The following TEKT3 variants were observed in gnomAD, a reference collection of about 807,000 sequenced individuals.
The protein encoded by TEKT3 is tektin 3.
In TEKT3, 49 loss-of-function variants were observed where a neutral mutation model predicts 49.8. The observed-to-expected ratio is 0.98, with a 90% CI of 0.78 to 1.25. The LOEUF is 1.25. TEKT3 is among the 50% of genes most tolerant of loss of function. The pLI is 0.00. For synonymous variants in TEKT3, 225 were observed against 237.2 expected, an observed-to-expected ratio of 0.95 and a Z score of 0.47; for missense variants, 595 against 629.5, an observed-to-expected ratio of 0.95 and a Z score of 0.59.
Position 15,325,365 on chromosome 17 carries a change from T to A in TEKT3, c.663+2627A>T, listed in dbSNP as rs147472003. Among the ~76,000 whole-genome samples, 291 of 152,308 alleles carry A rather than the reference T, an allele frequency of 1.9e-3. 3 individuals carry two copies. In the Middle Eastern group the frequency reaches 0.024, roughly 12 times the overall value. On this transcript the variant is annotated intron_variant, in intron 4 of 8. Transcript: ENST00000395930. Reference sequence around the variant, plus strand: ...ATTGCCATCTTAACACGAACATCCATGTTTATGGATGTTCCCATCCATAGA... The same window carrying A: ...ATTGCCATCTTAACACGAACATCCAAGTTTATGGATGTTCCCATCCATAGA...
At chr17:15,314,792 T>C (rs1164641979) in intron 5 of TEKT3, among the ~76,000 whole-genome samples, 4 of 152,134 alleles carry the variant, frequency 2.6e-5, no homozygotes, top group African/African-American at 9.7e-5. Context: ...AGGATCAAAA[T>C]TAACCTCCAG....
At chr17:15,309,506 C>G (rs1047463938) in intron 7 of TEKT3, among the ~76,000 whole-genome samples, 2 of 152,194 alleles carry the variant, frequency 1.3e-5, no homozygotes, top group African/African-American at 4.8e-5. Flanking sequence ...CTGTCCTATG[C>G]TCTGAAAAGC....
intron 5 of TEKT3, among the ~76,000 whole-genome samples, chr17:15,317,300 G>A (rs1351916056): frequency 6.6e-6 from 1 of 152,170 alleles, no homozygotes; most frequent in Non-Finnish European, 1.5e-5. Context: ...GCTGTTCCAC[G>A]GTAGAACAAT....
At chr17:15,327,203 AC>A in intron 4 of TEKT3, among the ~76,000 whole-genome samples, 1 of 152,040 alleles carries the variant, frequency 6.6e-6, no homozygotes, top group East Asian at 1.9e-4. Context: ...ACACTGCCTA[AC>A]CATTAAAAAT....
At position 15,312,268 on chromosome 17, in the gene TEKT3, G is replaced by A; in HGVS notation, c.1092C>T (p.His364=). ...TADAKNKIQT[H]LAKTLQEIFQ... is the part of the protein sequence containing the mutation. ...CTGGCGGTTGATTTACCTTTGCTAA[G>A]TGCGTCTGAATCTTATTCTTAGCAT... Residue 364 remains histidine, a synonymous_variant, in exon 7 of 9, where the codon CAC becomes CAT. Coordinates refer to ENST00000395930, the MANE Select transcript of TEKT3 (RefSeq NM_031898.3). The A allele has an allele frequency of 6.2e-7, 1 of 1,614,160 alleles. No homozygotes were observed. The highest frequency in any genetic ancestry group is 1.1e-5 in the South Asian group (1 of 91,080).
chr17:15,310,729 A>T (rs935752003), intron 7 of TEKT3: 5 of 152,216 alleles, frequency 3.3e-5, no homozygotes, highest in African/African-American at 1.2e-4. Context: ...GCAAACTAAC[A>T]TATCAGTAAA....
At chr17:15,322,034 G>A (rs893313355) in intron 4 of TEKT3, among the ~76,000 whole-genome samples, 13 of 152,086 alleles carry the variant, frequency 8.5e-5, no homozygotes, top group African/African-American at 3.1e-4. Context: ...GAAAACATAT[G>A]CCTTGAGAGT....
At chr17:15,308,141 A>G (rs1910618554) in intron 8 of TEKT3, among the ~76,000 whole-genome samples, 1 of 152,140 alleles carries the variant, frequency 6.6e-6, no homozygotes, top group Admixed American at 6.5e-5. Flanking sequence ...AAATGAGTAG[A>G]TAGGAGTCAG....
At position 15,316,230 on chromosome 17, in the gene TEKT3, T is replaced by C. The variant is rs149129319; in HGVS notation, c.735-2000A>G. 1.4e-4 allele frequency among the ~76,000 whole-genome samples: 21 copies of C among 152,320 alleles called. No individual in the cohort carries two copies. In the East Asian group the frequency reaches 3.7e-3, roughly 27 times the overall value. ...GGACCAAGATGTCCCACAAGCTTCC[T>C]GTCTTAAGCTGAGACCCTGTTAGAG... is the stretch of plus-strand genomic sequence containing the variant. On this transcript the variant is annotated intron_variant, in intron 5 of 8. Coordinates refer to ENST00000395930, the MANE Select transcript of TEKT3 (RefSeq NM_031898.3).
intron 8 of TEKT3, 131 bp downstream of exon 8, chr17:15,308,533 C>T: frequency 8.2e-7 from 1 of 1,226,194 alleles, no homozygotes; most frequent in South Asian, 1.5e-5. Context: ...AACATCTCCC[C>T]ATTACTACCA....
At chr17:15,306,319 A>G (rs974387218) in intron 8 of TEKT3, among the ~76,000 whole-genome samples, 1 of 152,032 alleles carries the variant, frequency 6.6e-6, no homozygotes, top group African/African-American at 2.4e-5. Flanking sequence ...TATGATCTTT[A>G]TTTTTTCTAA....
chr17:15,328,120 T>A (rs776480874), intron 3 of TEKT3, 45 bp from the exon 4 acceptor site: 2 of 1,521,498 alleles, frequency 1.3e-6, no homozygotes, highest in South Asian at 1.1e-5. Context: ...AAACTGACAA[T>A]CCATGACTAG....
intron 1 of TEKT3, among the ~76,000 whole-genome samples, chr17:15,340,991 G>A (rs1276138738): frequency 6.6e-6 from 1 of 152,134 alleles, no homozygotes; most frequent in Non-Finnish European, 1.5e-5. Context: ...AAACACAAGC[G>A]AAAGCTTTGC....
At position 15,306,089 on chromosome 17, in the gene TEKT3, ATGTGTGTGTGTGTG is replaced by A. The variant is rs58688985; in HGVS notation, c.1257-1951_1257-1938del. On this transcript the variant is annotated intron_variant, in intron 8 of 8. Coordinates refer to ENST00000395930, the MANE Select transcript of TEKT3 (RefSeq NM_031898.3). The stretch of plus-strand genomic sequence containing the variant: ...AAGCTACCACAGTTTATTTATATAT[ATGTGTGTGTGTGTG>A]TGTGTGTGTGTGTGTGTGTGTGTGT... Among the ~76,000 whole-genome samples, 1,138 of 144,408 alleles carry A rather than the reference ATGTGTGTGTGTGTG, an allele frequency of 7.9e-3. 73 individuals carry two copies. In the East Asian group the frequency reaches 0.15, roughly 19 times the overall value. The allele number at this position is 144,408 out of a possible 152,430, so 94.7% of individuals were successfully genotyped here. A position where few individuals can be genotyped will look rare whatever the true frequency, so the allele number is the denominator to read the frequency against.
rs1049638782 is a variant in TEKT3 at position 15,327,922 on chromosome 17, T to C, written c.663+70A>G. The C allele has an allele frequency of 5.4e-6, 7 of 1,307,192 alleles. No individual in the cohort carries two copies. The South Asian group carries it at 7.2e-5, about 13-fold the overall frequency. 81.0% of individuals were successfully genotyped at this position (1,307,192 alleles called of 1,614,324 possible). On this transcript the variant is annotated intron_variant, in intron 4 of 8. Coordinates refer to ENST00000395930, the MANE Select transcript of TEKT3 (RefSeq NM_031898.3). ...AAGTCATTTTATGTAACATCCTTTT[T>C]TGCTTCTACATATTCAACATACATT...
At position 15,314,154 on chromosome 17, in the gene TEKT3, A is replaced by G; in HGVS notation, c.811T>C (p.Cys271Arg). Reference protein sequence around the residue: ...KQTAYRIDDKCHHLRNTSDGV... With the variant: ...KQTAYRIDDKRHHLRNTSDGV... ...TCTGATGTGTTGCGCAGGTGGTGGC[A>G]TTTGTCGTCGATCCGGTAAGCCGTC... Residue 271 changes from cysteine to arginine, a missense_variant, in exon 6 of 9, where the codon TGC (cysteine) becomes CGC (arginine). By Grantham distance (180) the Cys-to-Arg change is radical. Coordinates refer to ENST00000395930, the MANE Select transcript of TEKT3 (RefSeq NM_031898.3). 4 of 1,614,118 alleles carry G rather than the reference A, an allele frequency of 2.5e-6. No individual in the cohort carries two copies. Among genetic ancestry groups the G allele is most frequent in the Non-Finnish European group, 3.4e-6 (4 of 1,180,030 alleles).
At chr17:15,309,819 C>G (rs1049160235) in intron 7 of TEKT3, among the ~76,000 whole-genome samples, 1 of 152,082 alleles carries the variant, frequency 6.6e-6, no homozygotes, top group Non-Finnish European at 1.5e-5. Flanking sequence ...AAGCTGACAT[C>G]GAGGCCTCTC....
intron 4 of TEKT3, among the ~76,000 whole-genome samples, chr17:15,327,126 GC>G (rs1911523034): frequency 6.7e-6 from 1 of 149,654 alleles, no homozygotes; most frequent in African/African-American, 2.5e-5. Flanking sequence ...GGATAGGGAA[GC>G]AACCTAACTA....
Position 15,330,992 on chromosome 17 carries a change from A to C in TEKT3, c.579+15T>G. On this transcript the variant is annotated intron_variant, in intron 3 of 8. Coordinates refer to ENST00000395930, the MANE Select transcript of TEKT3 (RefSeq NM_031898.3). Reference sequence around the variant, plus strand: ...TAATCATAAAAATTCAGTGTGTTCTATCATAAGGTCTTACCTGAAGAGGGG... The same window carrying C: ...TAATCATAAAAATTCAGTGTGTTCTCTCATAAGGTCTTACCTGAAGAGGGG... 1.9e-6 allele frequency: 3 copies of C among 1,586,802 alleles called. No individual in the cohort carries two copies. Among genetic ancestry groups the C allele is most frequent in the Non-Finnish European group, 2.6e-6 (3 of 1,167,260 alleles).
Sources: allele counts gnomAD v4.1 joint callset (sites outside exome capture counted in the v4.1 genomes callset), GRCh38; gene constraint gnomAD v4.1.1; transcripts MANE v1.5; gene names NCBI Gene and HGNC (gene_info 2026-07-23, HGNC 2026-07-21).